The following CDK14 variants were observed in gnomAD, a reference collection of about 807,000 sequenced individuals.
CDK14 encodes cyclin dependent kinase 14.
In CDK14, 34 loss-of-function variants were observed where a neutral mutation model predicts 60.7. The ratio of observed to expected loss-of-function variants is 0.56; its 90% confidence interval spans 0.43 to 0.75. The LOEUF (loss-of-function observed/expected upper bound fraction) is 0.75, where lower values mean the gene tolerates loss of function less well. Ranked by LOEUF, CDK14 falls within the 30% of genes least tolerant of loss-of-function variation. The pLI is 0.00. For missense variants in CDK14, 482 were observed against 564.1 expected (o/e 0.85, Z 1.47); for synonymous variants, 197 against 203.7 (o/e 0.97, Z 0.28).
At chr7:90,807,059 A>G (rs1173856141) in intron 5 of CDK14, among the ~76,000 whole-genome samples, 1 of 152,204 alleles carries the variant, frequency 6.6e-6, no homozygotes, top group Non-Finnish European at 1.5e-5. Context: ...TAGCCAAACA[A>G]AAGGCAGCAG....
chr7:91,132,193 T>C (rs1006082062), intron 14 of CDK14, among the ~76,000 whole-genome samples: 10 of 152,116 alleles, frequency 6.6e-5, no homozygotes, highest in African/African-American at 1.9e-4. Context: ...AAGGGAAATA[T>C]TAATTTTGCT....
chr7:91,105,169 G>T (rs1455207805), intron 12 of CDK14, among the ~76,000 whole-genome samples: 1 of 152,132 alleles, frequency 6.6e-6, no homozygotes, highest in Non-Finnish European at 1.5e-5. Context: ...GAAACCAGAA[G>T]AATAATCAAA....
At chr7:90,598,738 T>G (rs1799251006) in intron 1 of CDK14, among the ~76,000 whole-genome samples, 1 of 100,462 alleles carries the variant, frequency 1.0e-5, no homozygotes, top group Non-Finnish European at 2.2e-5. Flanking sequence ...GGAGTCTCGC[T>G]CTGTCGCCCA....
At chr7:90,767,716 A>G (rs376711619) in intron 4 of CDK14, among the ~76,000 whole-genome samples, 15 of 152,124 alleles carry the variant, frequency 9.9e-5, no homozygotes, top group Non-Finnish European at 2.9e-5. Context: ...GCACCTTTCA[A>G]CCCTTTTATT....
intron 2 of CDK14, among the ~76,000 whole-genome samples, chr7:90,638,141 A>G (rs1411677790): frequency 6.6e-6 from 1 of 151,906 alleles, no homozygotes; most frequent in Non-Finnish European, 1.5e-5. Flanking sequence ...TTTAAAGTTA[A>G]TATTGTTATG....
At chr7:90,629,642 T>A (rs1056492875) in intron 2 of CDK14, among the ~76,000 whole-genome samples, 2 of 152,186 alleles carry the variant, frequency 1.3e-5, no homozygotes, top group African/African-American at 4.8e-5. Context: ...GCTAACTAAG[T>A]GAATGCTTAT....
chr7:90,607,446 C>T (rs925189068), intron 2 of CDK14, among the ~76,000 whole-genome samples: 16 of 152,248 alleles, frequency 1.1e-4, no homozygotes, highest in Non-Finnish European at 4.4e-5. Flanking sequence ...CTCCCTGATT[C>T]ATGTAGAGGA....
At chr7:90,736,233 C>T (rs755086818) in intron 3 of CDK14, among the ~76,000 whole-genome samples, 3 of 151,736 alleles carry the variant, frequency 2.0e-5, no homozygotes, top group Non-Finnish European at 2.9e-5. Context: ...GTGTTGATCT[C>T]GCTGGGAGCT....
At chr7:90,892,577 G>C (rs1038647117) in intron 6 of CDK14, among the ~76,000 whole-genome samples, 4 of 152,140 alleles carry the variant, frequency 2.6e-5, no homozygotes, top group Non-Finnish European at 5.9e-5. Flanking sequence ...TCCAGCCACA[G>C]AGAAATCAAA....
intron 9 of CDK14, among the ~76,000 whole-genome samples, chr7:90,974,090 T>C (rs1795002778): frequency 6.6e-6 from 1 of 152,110 alleles, no homozygotes; most frequent in African/African-American, 2.4e-5. Context: ...CGCTAGGGTA[T>C]CAATTATTAA....
At chr7:90,669,206 A>G (rs1320602497) in intron 2 of CDK14, among the ~76,000 whole-genome samples, 1 of 152,158 alleles carries the variant, frequency 6.6e-6, no homozygotes, top group Non-Finnish European at 1.5e-5. Flanking sequence ...ATCAGAGTCT[A>G]TGAAAGGACA....
chr7:90,742,863 T>C (rs1803407630), intron 3 of CDK14, among the ~76,000 whole-genome samples: 1 of 152,184 alleles, frequency 6.6e-6, no homozygotes, highest in East Asian at 1.9e-4. Context: ...GATACAAAGA[T>C]TCAGTATCCC....
chr7:91,188,525 A>G (rs776745821), intron 14 of CDK14, among the ~76,000 whole-genome samples: 6 of 152,194 alleles, frequency 3.9e-5, no homozygotes, highest in Non-Finnish European at 8.8e-5. Flanking sequence ...CTCAGGGCCA[A>G]AGTGTAGTAT....
At chr7:90,693,052 G>A (rs558085510) in intron 2 of CDK14, among the ~76,000 whole-genome samples, 2 of 152,202 alleles carry the variant, frequency 1.3e-5, no homozygotes, top group South Asian at 2.1e-4. Flanking sequence ...GAAAGAATCC[G>A]TCTTTTAGCC....
intron 10 of CDK14, among the ~76,000 whole-genome samples, chr7:91,017,933 C>A (rs1285019145): frequency 6.6e-6 from 1 of 152,052 alleles, no homozygotes; most frequent in Non-Finnish European, 1.5e-5. Flanking sequence ...TGGATGAAAC[C>A]AAATTAGATC....
At chr7:90,661,841 G>C (rs1009155360) in intron 2 of CDK14, among the ~76,000 whole-genome samples, 3 of 151,188 alleles carry the variant, frequency 2.0e-5, no homozygotes, top group South Asian at 2.1e-4. Context: ...ATACAGCAAG[G>C]CTGGCTCAAT....
chr7:91,146,193 T>C (rs1253519995), intron 14 of CDK14, among the ~76,000 whole-genome samples: 2 of 152,080 alleles, frequency 1.3e-5, no homozygotes, highest in Non-Finnish European at 2.9e-5. Flanking sequence ...GGGGTTCTTA[T>C]TGATTGATGG....
At chr7:90,784,357 G>T (rs963212373) in intron 4 of CDK14, among the ~76,000 whole-genome samples, 4 of 152,120 alleles carry the variant, frequency 2.6e-5, no homozygotes, top group Admixed American at 1.3e-4. Flanking sequence ...AGCACAATAG[G>T]ATGACTATAG....
rs535523013 is a variant in CDK14, at chr7:90,864,608, T to C, written c.639+1339T>C. Among the ~76,000 whole-genome samples the C allele has an allele frequency of 6.6e-5, 10 of 152,236 alleles. No individual in the cohort carries two copies. The East Asian group carries it at 1.9e-3, about 29-fold the overall frequency. Reference sequence around the variant, plus strand: ...AGCTTGTGCACCAAAATCAGTAACATTGGTAAAGAAACTAATAAAAGTAAT... The same window carrying C: ...AGCTTGTGCACCAAAATCAGTAACACTGGTAAAGAAACTAATAAAAGTAAT... On this transcript the variant is annotated intron_variant, in intron 6 of 14. Coordinates refer to ENST00000380050, the MANE Select transcript of CDK14 (RefSeq NM_001287135.2).
Sources: allele counts gnomAD v4.1 joint callset (sites outside exome capture counted in the v4.1 genomes callset), GRCh38; gene constraint gnomAD v4.1.1; transcripts MANE v1.5; gene names NCBI Gene and HGNC (gene_info 2026-07-23, HGNC 2026-07-21).